The following TRPM4 variants were observed in gnomAD, a reference collection of about 807,000 sequenced individuals.
TRPM4 encodes transient receptor potential cation channel subfamily M member 4.
TRPM4 carries 124 observed loss-of-function variants against 135.6 expected under a neutral mutation model. The observed-to-expected ratio is 0.91, with a 90% CI of 0.79 to 1.06. TRPM4 has a LOEUF of 1.06. Ranked by LOEUF, TRPM4 falls within the 50% of genes least tolerant of loss-of-function variation. The pLI is 0.00. For missense variants in TRPM4, 1,658 were observed against 1,671.4 expected (o/e 0.99, Z 0.14); for synonymous variants, 745 against 705.6 (o/e 1.06, Z -0.88).
Position 49,182,676 on chromosome 19 carries a change from C to T in TRPM4, c.1362C>T (p.Phe454=). The change falls in exon 11 of 25, where the codon TTC becomes TTT. Residue 454 remains phenylalanine, a synonymous_variant. Coordinates refer to ENST00000252826, the MANE Select transcript of TRPM4 (RefSeq NM_017636.4). ...LISHGLSLGH[F]LTPMRLAQLY... The stretch of plus-strand genomic sequence containing the variant: ...CCCACGGCCTCAGCCTGGGCCACTT[C>T]CTGACCCCGATGCGCCTGGCCCAAC... The T allele has an allele frequency of 3.7e-6, 6 of 1,614,234 alleles. No individual in the cohort carries two copies. The highest frequency in any genetic ancestry group is 5.1e-6 in the Non-Finnish European group (6 of 1,180,042).
intron 3 of TRPM4, 188 bp from the exon 4 acceptor site, chr19:49,167,729 T>A (rs796978369): frequency 2.7e-6 from 1 of 364,248 alleles, no homozygotes; most frequent in Non-Finnish European, 4.9e-6. Flanking sequence ...TCTCTGTCCC[T>A]CTCTCTCTGG....
intron 20 of TRPM4, among the ~76,000 whole-genome samples, chr19:49,208,454 C>T (rs1047483330): frequency 7.9e-5 from 12 of 152,116 alleles, no homozygotes; most frequent in African/African-American, 2.9e-4. Context: ...GGCGTTACCG[C>T]TAGACCAAGG....
At position 49,188,692 on chromosome 19, in the gene TRPM4, A is replaced by G. The variant is rs139753455; in HGVS notation, c.1795A>G (p.Met599Val). The G allele has an allele frequency of 4.3e-6, 7 of 1,613,962 alleles. No individual in the cohort carries two copies. Residue 599 changes from methionine to valine, a missense_variant, in exon 13 of 25, where the codon ATG becomes GTG. By Grantham distance (21) the Met-to-Val change is conservative. Coordinates refer to ENST00000252826, the MANE Select transcript of TRPM4 (RefSeq NM_017636.4). ...TGGGGCCTGTTTGCTGCTCCGGGTG[A>G]TGGCACGCCTGGAGCCTGACGCTGA... ...ALGACLLLRVMARLEPDAEEA... is the reference protein window; with the variant it reads ...ALGACLLLRVVARLEPDAEEA...
chr19:49,198,669 G>A (rs1220570221), intron 17 of TRPM4, among the ~76,000 whole-genome samples: 2 of 147,066 alleles, frequency 1.4e-5, no homozygotes, highest in Non-Finnish European at 1.5e-5. Context: ...AAAAAAAAAA[G>A]GGAGAAATGT....
chr19:49,169,652 A>G (rs1967378508), intron 6 of TRPM4, among the ~76,000 whole-genome samples: 1 of 151,488 alleles, frequency 6.6e-6, no homozygotes, highest in East Asian at 1.9e-4. Context: ...TCTGACCTCA[A>G]GTGATTCGCC....
rs1331477807 is a variant in TRPM4 at position 49,201,069 on chromosome 19, T to C, written c.2953+284T>C. ...ATTTTGTGGTGTCGTAAAGAAATAG[T>C]ACTTGAACATAAATTTAATTTTTTT... On this transcript the variant is annotated intron_variant, in intron 19 of 24. Coordinates refer to ENST00000252826, the MANE Select transcript of TRPM4 (RefSeq NM_017636.4). Among the ~76,000 whole-genome samples the C allele has an allele frequency of 2.6e-5, 4 of 151,928 alleles. No homozygotes were observed. The East Asian group carries it at 5.8e-4, about 22-fold the overall frequency.
In TRPM4 at chr19:49,196,715, T is replaced by G. The variant is rs1450462854; in HGVS notation, c.2486T>G (p.Leu829Arg). The G allele has an allele frequency of 5.2e-6, 8 of 1,552,710 alleles. No individual in the cohort carries two copies. In the East Asian group the frequency reaches 1.9e-4, roughly 37 times the overall value. The change falls in exon 17 of 25, where the codon CTG becomes CGG. Residue 829 changes from leucine (L) to arginine (R), a missense_variant. By Grantham distance (102) the Leu-to-Arg change is moderately radical. Coordinates refer to ENST00000252826, the MANE Select transcript of TRPM4 (RefSeq NM_017636.4). ...FWAFTLLCEE[L>R]RQGLSGGGGS... is the part of the protein sequence containing the mutation. Reference sequence around the variant, plus strand: ...GCTTTCACGCTGCTGTGCGAGGAACTGCGCCAGGGCCTGAGCGGAGGCGGG... The same window carrying G: ...GCTTTCACGCTGCTGTGCGAGGAACGGCGCCAGGGCCTGAGCGGAGGCGGG...
chr19:49,202,331 C>T (rs1203289970), intron 20 of TRPM4, among the ~76,000 whole-genome samples, 190 bp downstream of exon 20: 1 of 152,084 alleles, frequency 6.6e-6, no homozygotes, highest in East Asian at 1.9e-4. Flanking sequence ...CTCCCTGAGC[C>T]CAGGTTGAAC....
At chr19:49,194,241 ATCC>A (rs1208550203) in intron 16 of TRPM4, among the ~76,000 whole-genome samples, 5 of 149,332 alleles carry the variant, frequency 3.3e-5, no homozygotes, top group Admixed American at 6.7e-5. Context: ...CCTTCTCTTC[ATCC>A]TCCTTCTCCT....
intron 17 of TRPM4, among the ~76,000 whole-genome samples, chr19:49,197,356 CTT>C (rs55648652): frequency 1.2e-4 from 12 of 100,950 alleles, no homozygotes; most frequent in Middle Eastern, 5.3e-3. Context: ...TTCTTTCTTT[CTT>C]TCTTTCTCTC....
At chr19:49,194,789 G>T (rs1645380) in intron 16 of TRPM4, among the ~76,000 whole-genome samples, 4 of 133,582 alleles carry the variant, frequency 3.0e-5, no homozygotes, top group Admixed American at 8.2e-5. Flanking sequence ...CTGAGACAAG[G>T]TCTCACTCTG....
intron 12 of TRPM4, among the ~76,000 whole-genome samples, chr19:49,183,730 A>G (rs1208817007): frequency 6.7e-6 from 1 of 148,526 alleles, no homozygotes; most frequent in African/African-American, 2.5e-5. Flanking sequence ...TTGGCCTTTG[A>G]TAATATATCT....
rs777602866 is a variant in TRPM4, at chr19:49,210,798, C to T, written c.3417C>T (p.Asp1139=). Reference sequence around the variant, plus strand: ...ACTTTCTGCTGGCACGCGCTAGGGACAAGCGGGAGAGCGACTCCGAGCGTC... The same window carrying T: ...ACTTTCTGCTGGCACGCGCTAGGGATAAGCGGGAGAGCGACTCCGAGCGTC... The part of the protein sequence containing the change: ...KENFLLARAR[D]KRESDSERLK... Residue 1139 remains aspartate, a synonymous_variant, in exon 22 of 25, where the codon GAC becomes GAT. Coordinates refer to ENST00000252826, the MANE Select transcript of TRPM4 (RefSeq NM_017636.4). This position sits in a 1 kb window ranked among gnomAD's most constrained non-coding sequence, Gnocchi z 4.1. 8.1e-6 allele frequency: 13 copies of T among 1,613,724 alleles called. No homozygotes were observed. In the South Asian group the frequency reaches 1.1e-4, roughly 14 times the overall value.
rs756668921 is a variant in TRPM4, at chr19:49,166,194, G to T, written c.246G>T (p.Gly82=). The T allele has an allele frequency of 8.1e-6, 13 of 1,607,052 alleles. No homozygotes were observed. The African/African-American group carries it at 1.7e-4, about 21-fold the overall frequency. ...TDAYGELDFT[G]AGRKHSNFLR... ...CCTACGGAGAGCTGGACTTCACGGG[G>T]GCCGGCCGCAAGCACAGCAATGTGA... The change falls in exon 3 of 25, where the codon GGG becomes GGT. Residue 82 remains glycine, a synonymous_variant. Transcript: ENST00000252826.
chr19:49,209,463 G>A (rs1242129518), intron 20 of TRPM4, among the ~76,000 whole-genome samples: 1 of 151,972 alleles, frequency 6.6e-6, no homozygotes, highest in East Asian at 1.9e-4. Flanking sequence ...GAGATTTTCT[G>A]TTTTTTCTTG....
At position 49,171,949 on chromosome 19, in the gene TRPM4, G is replaced by A. The variant is rs2122838189; in HGVS notation, c.1051-60G>A. The A allele has an allele frequency of 6.8e-7, 1 of 1,465,712 alleles. No homozygotes were observed. Among genetic ancestry groups the A allele is most frequent in the Non-Finnish European group, 9.6e-7 (1 of 1,045,262 alleles). The allele number at this position is 1,465,712 out of a possible 1,614,324, so 90.8% of individuals were successfully genotyped here. The stretch of plus-strand genomic sequence containing the variant: ...ATGGCCTCCTCCATCCCTTTGGACA[G>A]GGCCCAACAGGAGTTGGGGATGGAG... On this transcript the variant is annotated intron_variant, in intron 8 of 24. Transcript: ENST00000252826. This position sits in a 1 kb window ranked among gnomAD's most constrained non-coding sequence, Gnocchi z 4.7.
intron 17 of TRPM4, 24 bp from the exon 18 acceptor site, chr19:49,200,276 T>G: frequency 3.1e-6 from 5 of 1,614,114 alleles, no homozygotes; most frequent in Non-Finnish European, 4.2e-6. Context: ...CACTTGACCC[T>G]TGTGGCATCT....
At chr19:49,170,335 C>T (rs896407427) in intron 6 of TRPM4, among the ~76,000 whole-genome samples, 4 of 152,050 alleles carry the variant, frequency 2.6e-5, no homozygotes, top group Admixed American at 6.6e-5. Context: ...ACTATAGGCA[C>T]GAGCCACCAC....
At chr19:49,159,112 A>G (rs1420884244) in intron 2 of TRPM4, 2 of 144,156 alleles carry the variant, frequency 1.4e-5, no homozygotes, top group African/African-American at 5.2e-5. Context: ...GCTCACTGCA[A>G]GCTCCGCCTC....
Sources: allele counts gnomAD v4.1 joint callset (sites outside exome capture counted in the v4.1 genomes callset), GRCh38; gene constraint gnomAD v4.1.1; non-coding constraint Gnocchi (gnomAD v3.1); transcripts MANE v1.5; gene names NCBI Gene and HGNC (gene_info 2026-07-23, HGNC 2026-07-21).